Variants in COLEC12 observed in about 807,000 individuals in gnomAD.
COLEC12 encodes the protein collectin-12.
Under a neutral mutation model 71.1 loss-of-function variants are expected in COLEC12, and 33 were observed. That is an observed-to-expected ratio of 0.46 (90% confidence interval 0.35 to 0.62). The LOEUF is 0.62. COLEC12 is among the 20% of genes least tolerant of loss of function. The probability of loss-of-function intolerance (pLI) is 0.00; values close to 1 mark genes in which losing one functional copy is unlikely to be tolerated. For synonymous variants in COLEC12, 350 were observed against 353.0 expected, an observed-to-expected ratio of 0.99 and a Z score of 0.10; for missense variants, 765 against 916.1, an observed-to-expected ratio of 0.84 and a Z score of 2.13.
chr18:397,147 G>C (rs1915588939), intron 2 of COLEC12, among the ~76,000 whole-genome samples: 1 of 152,164 alleles, frequency 6.6e-6, no homozygotes, highest in Non-Finnish European at 1.5e-5. Context: ...GATTTGTACA[G>C]TATGTCCTCC....
intron 2 of COLEC12, among the ~76,000 whole-genome samples, chr18:404,025 G>A (rs1416565090): frequency 6.6e-6 from 1 of 152,196 alleles, no homozygotes; most frequent in Non-Finnish European, 1.5e-5. Flanking sequence ...AAGGTAAAAT[G>A]AAGATAGCAA....
At chr18:462,586 G>A (rs1917003977) in intron 2 of COLEC12, among the ~76,000 whole-genome samples, 1 of 152,182 alleles carries the variant, frequency 6.6e-6, no homozygotes, top group East Asian at 1.9e-4. Context: ...GGATGAAAAT[G>A]TTCTAAATTG....
chr18:378,691 T>G (rs1915166656), intron 2 of COLEC12, among the ~76,000 whole-genome samples: 1 of 152,232 alleles, frequency 6.6e-6, no homozygotes. Flanking sequence ...TCTCCATCAG[T>G]GCCAAAGGGT....
intron 5 of COLEC12, among the ~76,000 whole-genome samples, chr18:343,333 C>T (rs1347563243): frequency 5.3e-5 from 8 of 152,038 alleles, no homozygotes; most frequent in Admixed American, 5.2e-4. Flanking sequence ...GGAGGCCGGC[C>T]GGGACCTCCT....
intron 2 of COLEC12, among the ~76,000 whole-genome samples, chr18:402,296 C>T (rs1915703124): frequency 6.6e-6 from 1 of 152,048 alleles, no homozygotes; most frequent in Non-Finnish European, 1.5e-5. Flanking sequence ...GAAGAGTAGG[C>T]CCATGACCAG....
At chr18:379,504 G>C (rs919988533) in intron 2 of COLEC12, among the ~76,000 whole-genome samples, 1 of 152,046 alleles carries the variant, frequency 6.6e-6, no homozygotes, top group African/African-American at 2.4e-5. Flanking sequence ...TTGGAAAAGT[G>C]AAGAAAATAG....
At chr18:379,520 A>G (rs985465261) in intron 2 of COLEC12, among the ~76,000 whole-genome samples, 2 of 152,170 alleles carry the variant, frequency 1.3e-5, no homozygotes, top group African/African-American at 4.8e-5. Flanking sequence ...AATAGAGGAG[A>G]ATGACAAAGG....
intron 5 of COLEC12, among the ~76,000 whole-genome samples, chr18:342,071 T>C (rs1370127872): frequency 6.6e-6 from 1 of 152,212 alleles, no homozygotes; most frequent in African/African-American, 2.4e-5. Context: ...TTCTTTTTTT[T>C]CTTGAGACGG....
intron 2 of COLEC12, among the ~76,000 whole-genome samples, chr18:454,258 G>A (rs1160662612): frequency 6.6e-6 from 1 of 152,008 alleles, no homozygotes; most frequent in African/African-American, 2.4e-5. Flanking sequence ...TCCACCTGAG[G>A]GACTTTTTAC....
intron 2 of COLEC12, among the ~76,000 whole-genome samples, chr18:462,617 C>T (rs1567915480): frequency 6.6e-6 from 1 of 152,262 alleles, no homozygotes; most frequent in East Asian, 1.9e-4. Context: ...TTGCACACCT[C>T]TGGATTTGCA....
At chr18:490,744 C>T (rs1224965547) in intron 1 of COLEC12, among the ~76,000 whole-genome samples, 3 of 152,298 alleles carry the variant, frequency 2.0e-5, no homozygotes, top group Admixed American at 1.3e-4. Flanking sequence ...CCACAGAAGA[C>T]GCAGTTTGAA....
Position 347,218 on chromosome 18 carries a change from G to A in COLEC12, c.404C>T (p.Thr135Met), listed in dbSNP as rs143447500. 185 of 1,614,132 alleles carry A rather than the reference G, an allele frequency of 1.1e-4. 1 individual carries two copies. In the African/African-American group the frequency reaches 1.6e-3, roughly 14 times the overall value. The change falls in exon 5 of 10, where the codon ACG becomes ATG. Residue 135 changes from threonine to methionine, a missense_variant. Coordinates refer to ENST00000400256, the MANE Select transcript of COLEC12 (RefSeq NM_130386.3). ...ITEKTSKNKDTLEKLQASGDA... is the reference protein window; with the variant it reads ...ITEKTSKNKDMLEKLQASGDA... ...CCCGCTCGCCTGTAACTTCTCCAGC[G>A]TATCCTTGTTCTTGCTGGTTTTTTC...
rs58308839 is a variant in COLEC12 at position 461,477 on chromosome 18, C to T, written c.58+19230G>A. ...TCATAGCTCACTGCAGCCTCAAACT[C>T]CTGGGCTCAAGCAGTCCTCCTGCCT... On this transcript the variant is annotated intron_variant, in intron 2 of 9. Transcript: ENST00000400256. 4.9e-3 allele frequency among the ~76,000 whole-genome samples: 750 copies of T among 152,308 alleles called. 12 individuals are homozygous for T. Among genetic ancestry groups the T allele is most frequent in the African/African-American group, 0.018 (729 of 41,560 alleles).
chr18:440,179 G>T (rs968655399), intron 2 of COLEC12, among the ~76,000 whole-genome samples: 1 of 152,092 alleles, frequency 6.6e-6, no homozygotes, highest in Non-Finnish European at 1.5e-5. Context: ...GAAACAGAAA[G>T]TAGAACAGTA....
intron 2 of COLEC12, among the ~76,000 whole-genome samples, chr18:401,197 C>A (rs1598352010): frequency 1.3e-5 from 2 of 152,200 alleles, no homozygotes; most frequent in Admixed American, 6.5e-5. Context: ...CTCCTATGTT[C>A]TTTTTGGTAC....
At chr18:492,457 G>C (rs77376028) in intron 1 of COLEC12, among the ~76,000 whole-genome samples, 14,228 of 152,244 alleles carry the variant, frequency 0.093, 723 homozygotes, top group Middle Eastern at 0.14. Context: ...TAATCAGTAA[G>C]TACGACATCC....
intron 2 of COLEC12, among the ~76,000 whole-genome samples, chr18:359,883 C>T (rs1485439739): frequency 2.6e-5 from 4 of 152,192 alleles, no homozygotes; most frequent in Admixed American, 6.5e-5. Flanking sequence ...TGTAATTTTA[C>T]GCATAGTGCC....
At chr18:427,917 A>G (rs1916228334) in intron 2 of COLEC12, among the ~76,000 whole-genome samples, 2 of 152,126 alleles carry the variant, frequency 1.3e-5, no homozygotes. Flanking sequence ...TCATCGTTTA[A>G]AAACATGCAA....
chr18:321,650 T>C lies in COLEC12; in HGVS notation c.2209+12A>G. 2 of 1,614,110 alleles carry C rather than the reference T, an allele frequency of 1.2e-6. No individual in the cohort carries two copies. The highest frequency in any genetic ancestry group is 1.7e-6 in the Non-Finnish European group (2 of 1,179,986). ...GCTGGCAGCTCCCTCTTAAATCCCATCTACTGCTCACCTGTCTCCCTGTCT... is the reference window on the plus strand; with the variant it reads ...GCTGGCAGCTCCCTCTTAAATCCCACCTACTGCTCACCTGTCTCCCTGTCT... On this transcript the variant is annotated intron_variant, in intron 9 of 9. Coordinates refer to ENST00000400256, the MANE Select transcript of COLEC12 (RefSeq NM_130386.3).
Sources: gnomAD v4.1 joint callset for allele counts (sites outside exome capture counted in the v4.1 genomes callset) on GRCh38, gnomAD v4.1.1 for gene constraint, MANE v1.5 for transcripts, NCBI Gene and HGNC (gene_info 2026-07-23, HGNC 2026-07-21) for gene names.